FAM76B: variants seen among roughly 807,000 people sequenced by gnomAD.
FAM76B encodes family with sequence similarity 76 member B.
Under a neutral mutation model 51.8 loss-of-function variants are expected in FAM76B, and 16 were observed. The ratio of observed to expected loss-of-function variants is 0.31; its 90% CI spans 0.21 to 0.47. FAM76B has a LOEUF of 0.47. Among genes scored for constraint, FAM76B ranks in the 20% least tolerant of loss-of-function variants. FAM76B has a pLI of 1.00. For synonymous variants in FAM76B, 166 were observed against 129.5 expected, an observed-to-expected ratio of 1.28 and a Z score of -1.91; for missense variants, 342 against 392.6, an observed-to-expected ratio of 0.87 and a Z score of 1.09.
chr11:95,780,891 T>C (rs920419209), intron 5 of FAM76B, among the ~76,000 whole-genome samples: 1 of 152,018 alleles, frequency 6.6e-6, no homozygotes, highest in Non-Finnish European at 1.5e-5. Flanking sequence ...TATACATGTT[T>C]ACTTGTGTCT....
chr11:95,775,623 T>A (rs1859967523), intron 9 of FAM76B, among the ~76,000 whole-genome samples: 1 of 150,484 alleles, frequency 6.6e-6, no homozygotes, highest in Non-Finnish European at 1.5e-5. Context: ...GATTTTTAAT[T>A]TTTTGCTATA....
At chr11:95,786,898 G>A (rs1860623737) in intron 3 of FAM76B, 1 of 152,228 alleles carries the variant, frequency 6.6e-6, no homozygotes, top group South Asian at 2.1e-4. Flanking sequence ...TATAATGATT[G>A]TAGTATACAT....
intron 8 of FAM76B, among the ~76,000 whole-genome samples, chr11:95,777,570 A>G (rs1051124047): frequency 2.0e-5 from 3 of 151,398 alleles, no homozygotes; most frequent in African/African-American, 7.2e-5. Flanking sequence ...AATTTCCATA[A>G]AGGCTCATTA....
intron 5 of FAM76B, among the ~76,000 whole-genome samples, chr11:95,780,257 T>TA (rs1258472208): frequency 6.6e-6 from 1 of 151,964 alleles, no homozygotes; most frequent in Non-Finnish European, 1.5e-5. Flanking sequence ...TGGCTGCCCT[T>TA]ACTATTTCAG....
In FAM76B at chr11:95,783,984, T is replaced by C. The variant is rs958096530; in HGVS notation, c.364-720A>G. On this transcript the variant is annotated intron_variant, in intron 4 of 9. Transcript: ENST00000358780. Reference sequence around the variant, plus strand: ...AGTACTGCCAAAGTGCTGTATAGTGTTCCTAGGCTCAAGAAGGTTGTAATG... The same window carrying C: ...AGTACTGCCAAAGTGCTGTATAGTGCTCCTAGGCTCAAGAAGGTTGTAATG... 5.3e-5 allele frequency among the ~76,000 whole-genome samples: 8 copies of C among 152,190 alleles called. No homozygotes were observed. In the South Asian group the frequency reaches 1.7e-3, roughly 32 times the overall value.
intron 1 of FAM76B, 89 bp downstream of exon 1, chr11:95,789,303 C>A: frequency 1.4e-6 from 2 of 1,399,368 alleles, no homozygotes; most frequent in Non-Finnish European, 2.0e-6. Flanking sequence ...GAGGCGCCGG[C>A]GAAGAGGGGC....
rs1472567697 is a variant in FAM76B at position 95,789,655 on chromosome 11, C to G, written c.-177G>C. ...CCCCGCGGACGACGCCACCGTCTCCCTCCGCCTCCACTTCCGCCCCAGCCC... is the reference window on the plus strand; with the variant it reads ...CCCCGCGGACGACGCCACCGTCTCCGTCCGCCTCCACTTCCGCCCCAGCCC... On this transcript the variant is annotated 5_prime_UTR_variant, in exon 1 of 10. Transcript: ENST00000358780. 4 of 530,346 alleles carry G rather than the reference C, an allele frequency of 7.5e-6. No individual in the cohort carries two copies. Among genetic ancestry groups the G allele is most frequent in the Non-Finnish European group, 1.3e-5 (4 of 307,120 alleles). The allele number at this position is 530,346 out of a possible 1,614,324, so 32.9% of individuals were successfully genotyped here.
intron 4 of FAM76B, among the ~76,000 whole-genome samples, chr11:95,785,034 C>T (rs138573471): frequency 7.9e-5 from 12 of 152,214 alleles, no homozygotes; most frequent in African/African-American, 2.9e-4. Flanking sequence ...TACAGTACTC[C>T]CCTATCTACA....
intron 5 of FAM76B, among the ~76,000 whole-genome samples, chr11:95,782,125 G>A (rs1383612528): frequency 1.3e-5 from 2 of 152,034 alleles, no homozygotes; most frequent in East Asian, 1.9e-4. Context: ...AGTTTAATTT[G>A]TATTTTCATG....
At chr11:95,780,043 G>C in intron 5 of FAM76B, 117 bp from the exon 6 acceptor site, 1 of 958,882 alleles carries the variant, frequency 1.0e-6, no homozygotes, top group Admixed American at 2.8e-5. Context: ...TTCAGAGAAA[G>C]GTATATTTAA....
chr11:95,782,569 A>T (rs1860332038), intron 5 of FAM76B, among the ~76,000 whole-genome samples: 1 of 152,130 alleles, frequency 6.6e-6, no homozygotes, highest in South Asian at 2.1e-4. Context: ...TCATTAGTTA[A>T]AAATATTGCT....
At chr11:95,784,571 T>G (rs558278518) in intron 4 of FAM76B, among the ~76,000 whole-genome samples, 1 of 147,988 alleles carries the variant, frequency 6.8e-6, no homozygotes, top group Non-Finnish European at 1.5e-5. Flanking sequence ...TGTGTATATA[T>G]ACACACACAC....
At chr11:95,788,843 ACTT>A in intron 1 of FAM76B, 3 of 1,418,524 alleles carry the variant, frequency 2.1e-6, no homozygotes, top group East Asian at 3.4e-5. Context: ...ATGTGAAACT[ACTT>A]ATTATTTTGC....
chr11:95,783,572 T>C (rs1316915991), intron 4 of FAM76B, among the ~76,000 whole-genome samples: 1 of 152,212 alleles, frequency 6.6e-6, no homozygotes, highest in Non-Finnish European at 1.5e-5. Context: ...AACTGACTGA[T>C]ATACTTCCAA....
In FAM76B at chr11:95,779,590, A is replaced by G. The variant is rs777723499; in HGVS notation, c.692+17T>C. The G allele has an allele frequency of 1.3e-6, 2 of 1,594,774 alleles. No individual in the cohort carries two copies. The highest frequency in any genetic ancestry group is 1.1e-5 in the South Asian group (1 of 87,858). ...ACTAAGTTGAATTTTCATAACACTA[A>G]AAGAATTCATTTTTACCTATCTCCA... On this transcript the variant is annotated intron_variant, in intron 7 of 9. Transcript: ENST00000358780.
In FAM76B at chr11:95,769,600, A is replaced by G. The variant is rs1348628864; in HGVS notation, c.*1961T>C. On this transcript the variant is annotated 3_prime_UTR_variant, in exon 10 of 10. Coordinates refer to ENST00000358780, the MANE Select transcript of FAM76B (RefSeq NM_144664.5). ...TCTCCAACAAGGTGTAAGAACTATC[A>G]AAAAGTAAAACCATAATGACCACTG... 6.6e-6 allele frequency: 1 copy of G among 151,896 alleles called. No individual in the cohort carries two copies. Among genetic ancestry groups the G allele is most frequent in the South Asian group, 2.1e-4 (1 of 4,836 alleles). 9.4% of individuals were successfully genotyped at this position (151,896 alleles called of 1,614,324 possible). A position where few individuals can be genotyped will look rare whatever the true frequency, so the allele number is the denominator to read the frequency against.
In FAM76B at chr11:95,781,260, A is replaced by G. The variant is rs570906680; in HGVS notation, c.564-1334T>C. Among the ~76,000 whole-genome samples, 4 of 152,148 alleles carry G rather than the reference A, an allele frequency of 2.6e-5. No homozygotes were observed. The South Asian group carries it at 8.3e-4, about 32-fold the overall frequency. On this transcript the variant is annotated intron_variant, in intron 5 of 9. Coordinates refer to ENST00000358780, the MANE Select transcript of FAM76B (RefSeq NM_144664.5). Reference sequence around the variant, plus strand: ...CTAGATTCAGACCCACCTTAGTGCCACCTGGCAACCACATCCCCTACCCCT... The same window carrying G: ...CTAGATTCAGACCCACCTTAGTGCCGCCTGGCAACCACATCCCCTACCCCT...
intron 4 of FAM76B, 32 bp downstream of exon 4, chr11:95,786,087 C>G: frequency 6.4e-7 from 1 of 1,574,780 alleles, no homozygotes; most frequent in South Asian, 1.2e-5. Flanking sequence ...TATTTAATTT[C>G]CAGAAGATGT....
At chr11:95,781,269 C>A (rs1400809966) in intron 5 of FAM76B, among the ~76,000 whole-genome samples, 2 of 152,076 alleles carry the variant, frequency 1.3e-5, no homozygotes, top group East Asian at 3.9e-4. Context: ...CACCTGGCAA[C>A]CACATCCCCT....
Sources: gnomAD v4.1 joint callset for allele counts (sites outside exome capture counted in the v4.1 genomes callset) on GRCh38, gnomAD v4.1.1 for gene constraint, MANE v1.5 for transcripts, NCBI Gene and HGNC (gene_info 2026-07-23, HGNC 2026-07-21) for gene names.